The following AGAP1 variants were observed in gnomAD, a reference collection of about 807,000 sequenced individuals.
The protein encoded by AGAP1 is ArfGAP with GTPase domain, ankyrin repeat and PH domain 1, also known as arf-GAP with GTPase, ANK repeat and PH domain-containing protein 1.
Under a neutral mutation model 105.3 loss-of-function variants are expected in AGAP1, and 29 were observed. That is an observed-to-expected ratio of 0.28 (90% CI 0.21 to 0.38). The LOEUF (loss-of-function observed/expected upper bound fraction) is 0.38, where lower values mean the gene tolerates loss of function less well. Ranked by LOEUF, AGAP1 falls within the 10% of genes least tolerant of loss-of-function variation. The pLI is 1.00. For synonymous variants in AGAP1, 509 were observed against 485.9 expected, an observed-to-expected ratio of 1.05 and a Z score of -0.63; for missense variants, 998 against 1,165.1, an observed-to-expected ratio of 0.86 and a Z score of 2.09.
rs755263009 is a variant in AGAP1 at position 235,904,419 on chromosome 2, A to G, written c.1156-4319A>G. 7.2e-5 allele frequency among the ~76,000 whole-genome samples: 11 copies of G among 152,128 alleles called. No homozygotes were observed. Among genetic ancestry groups the G allele is most frequent in the Non-Finnish European group, 1.2e-4 (8 of 68,016 alleles). On this transcript the variant is annotated intron_variant, in intron 10 of 17. Coordinates refer to ENST00000304032, the MANE Select transcript of AGAP1 (RefSeq NM_001037131.3). This position sits in a 1 kb window ranked among gnomAD's most constrained non-coding sequence, Gnocchi z 4.2. ...TAGGTTTGCAATTACTACTTTTTCA[A>G]GCTGTTGAGGGGCAGGAGATGGCAC...
chr2:236,068,397 G>T (rs1430767411), intron 16 of AGAP1, among the ~76,000 whole-genome samples: 1 of 152,074 alleles, frequency 6.6e-6, no homozygotes, highest in Non-Finnish European at 1.5e-5. Flanking sequence ...CTCTCCTCTG[G>T]CACTGCTGGT....
In AGAP1 at chr2:235,721,572, C is replaced by G. The variant is rs918192051; in HGVS notation, c.310+3928C>G. ...CACTGTAGTAACGAACTGCCACACA[C>G]AGTGTGGCTTAAAACAGAAATGTAT... is the stretch of plus-strand genomic sequence containing the variant. On this transcript the variant is annotated intron_variant, in intron 3 of 17. Transcript: ENST00000304032. This position sits in a 1 kb window ranked among gnomAD's most constrained non-coding sequence, Gnocchi z 4.5. Among the ~76,000 whole-genome samples, 3 of 152,128 alleles carry G rather than the reference C, an allele frequency of 2.0e-5. No homozygotes were observed. The highest frequency in any genetic ancestry group is 4.4e-5 in the Non-Finnish European group (3 of 68,034).
At chr2:235,526,611 A>C (rs1016254055) in intron 1 of AGAP1, among the ~76,000 whole-genome samples, 4 of 152,248 alleles carry the variant, frequency 2.6e-5, no homozygotes, top group South Asian at 4.1e-4. Context: ...TATTTGGAGA[A>C]GTAAAAAAAC....
rs1221700503 is a variant in AGAP1 at position 235,989,952 on chromosome 2, G to T, written c.1645+21329G>T. On this transcript the variant is annotated intron_variant, in intron 13 of 17. Coordinates refer to ENST00000304032, the MANE Select transcript of AGAP1 (RefSeq NM_001037131.3). The surrounding 1 kb of genome is among the most constrained non-coding windows in gnomAD (Gnocchi z 4.4). ...TAGATCATTCAAATGCGTAGCCGGGGTTGGGAACCAGTGGTTTAGGTTAAG... is the reference window on the plus strand; with the variant it reads ...TAGATCATTCAAATGCGTAGCCGGGTTTGGGAACCAGTGGTTTAGGTTAAG... Among the ~76,000 whole-genome samples, 2 of 152,086 alleles carry T rather than the reference G, an allele frequency of 1.3e-5. No individual in the cohort carries two copies. The highest frequency in any genetic ancestry group is 4.8e-5 in the African/African-American group (2 of 41,410).
chr2:235,710,251 C>T (rs938613491), intron 2 of AGAP1, among the ~76,000 whole-genome samples: 5 of 152,222 alleles, frequency 3.3e-5, no homozygotes, highest in Admixed American at 6.5e-5. Context: ...AGGATCCTTC[C>T]GGTCCTTCAT....
chr2:235,785,082 C>G lies in AGAP1; in HGVS notation c.674-12677C>G, dbSNP rs150183615. Among the ~76,000 whole-genome samples the G allele has an allele frequency of 1.1e-3, 165 of 152,304 alleles. 1 individual carries two copies. Among genetic ancestry groups the G allele is most frequent in the South Asian group, 3.9e-3 (19 of 4,828 alleles). On this transcript the variant is annotated intron_variant, in intron 6 of 17. Transcript: ENST00000304032. ...CATTATTAACAGAGCAGGGAGGAGA[C>G]GAATAATTCTCTCAGGTTCCAACCA...
At chr2:236,049,672 T>C (rs181882479) in intron 16 of AGAP1, 3,220 of 153,680 alleles carry the variant, frequency 0.021, 60 homozygotes, top group Non-Finnish European at 0.034. Context: ...GCTCTGTCGA[T>C]CCCCCCCCCG....
Position 236,001,841 on chromosome 2 carries a change from C to T in AGAP1, c.1645+33218C>T, listed in dbSNP as rs1176752711. 6.6e-6 allele frequency among the ~76,000 whole-genome samples: 1 copy of T among 152,206 alleles called. No homozygotes were observed. Among genetic ancestry groups the T allele is most frequent in the Non-Finnish European group, 1.5e-5 (1 of 68,038 alleles). On this transcript the variant is annotated intron_variant, in intron 13 of 17. Transcript: ENST00000304032. The surrounding 1 kb of genome is among the most constrained non-coding windows in gnomAD (Gnocchi z 4.7). ...ATGCGTGGTCTCTAATAGGTTATGC[C>T]AGCCCCTCTCGTTGGGCATTGAAAT...
Position 236,083,330 on chromosome 2 carries a change from C to T in AGAP1, c.2114+34049C>T, listed in dbSNP as rs1177447283. Among the ~76,000 whole-genome samples, 1 of 152,152 alleles carries T rather than the reference C, an allele frequency of 6.6e-6. No individual in the cohort carries two copies. Among genetic ancestry groups the T allele is most frequent in the Non-Finnish European group, 1.5e-5 (1 of 68,020 alleles). ...CGGTTTGTTGCAAGGAAGCGTCGTC[C>T]TCCTCACGGGCTCTTTACGTTGACA... On this transcript the variant is annotated intron_variant, in intron 16 of 17. Transcript: ENST00000304032. This position sits in a 1 kb window ranked among gnomAD's most constrained non-coding sequence, Gnocchi z 5.3.
chr2:235,670,785 G>A, intron 1 of AGAP1: 2 of 1,267,946 alleles, frequency 1.6e-6, no homozygotes, highest in Non-Finnish European at 2.2e-6. Flanking sequence ...CTGGAGCGTT[G>A]GGAACGCAGT....
At chr2:235,856,345 G>T (rs1055172651) in intron 9 of AGAP1, among the ~76,000 whole-genome samples, 3 of 152,158 alleles carry the variant, frequency 2.0e-5, no homozygotes, top group African/African-American at 7.2e-5. Flanking sequence ...GATTCGCTTG[G>T]TGTCAGTAAG....
At chr2:235,671,032 G>C in intron 1 of AGAP1, 1 of 1,295,444 alleles carries the variant, frequency 7.7e-7, no homozygotes, top group Non-Finnish European at 9.8e-7. Context: ...CCAGCGCCGA[G>C]AGCATCGACG....
chr2:235,758,807 T>C (rs756678968), intron 6 of AGAP1, among the ~76,000 whole-genome samples: 24 of 152,130 alleles, frequency 1.6e-4, no homozygotes, highest in Non-Finnish European at 3.2e-4. Context: ...GTTTTTGTTT[T>C]GTTTTGAGAC....
rs1942558659 is a variant in AGAP1, at chr2:235,520,085, ATAT to A, written c.163+25241_163+25243del. Among the ~76,000 whole-genome samples the A allele has an allele frequency of 3.3e-5, 5 of 152,142 alleles. No homozygotes were observed. In the South Asian group the frequency reaches 1.0e-3, roughly 32 times the overall value. On this transcript the variant is annotated intron_variant, in intron 1 of 17. Transcript: ENST00000304032. Reference sequence around the variant, plus strand: ...GCATGAGCCACCAGGCCCGGCCTCAATATTATTTTGAAGTGAATTCCAGACACC... The same window carrying A: ...GCATGAGCCACCAGGCCCGGCCTCAATATTTTGAAGTGAATTCCAGACACC...
At chr2:235,730,916 C>T (rs2149608109) in intron 3 of AGAP1, among the ~76,000 whole-genome samples, 2 of 152,150 alleles carry the variant, frequency 1.3e-5, no homozygotes, top group East Asian at 3.9e-4. Flanking sequence ...GAAAAGCAGC[C>T]CCCAACCGTT....
At chr2:236,023,577 A>T (rs571850640) in intron 13 of AGAP1, among the ~76,000 whole-genome samples, 1 of 152,144 alleles carries the variant, frequency 6.6e-6, no homozygotes, top group Non-Finnish European at 1.5e-5. Context: ...TCTTTCACCA[A>T]GGTCAGGAGT....
chr2:236,058,946 C>T lies in AGAP1; in HGVS notation c.2114+9665C>T, dbSNP rs1207406454. ...TCAAGAGGCTCAGGCAGGAGGATTG[C>T]TTGAGCCCAGGATTTCAAGGCTGCA... On this transcript the variant is annotated intron_variant, in intron 16 of 17. Transcript: ENST00000304032. The surrounding 1 kb of genome is among the most constrained non-coding windows in gnomAD (Gnocchi z 4.6). 6.6e-6 allele frequency among the ~76,000 whole-genome samples: 1 copy of T among 152,162 alleles called. No individual in the cohort carries two copies. The highest frequency in any genetic ancestry group is 1.5e-5 in the Non-Finnish European group (1 of 68,022).
chr2:235,541,115 C>T (rs747302152), intron 1 of AGAP1, among the ~76,000 whole-genome samples: 42 of 152,128 alleles, frequency 2.8e-4, no homozygotes, highest in African/African-American at 8.9e-4. Flanking sequence ...AACAGTTAAA[C>T]GCAGTAGCTC....
chr2:235,673,483 T>C (rs1019532685), intron 1 of AGAP1, among the ~76,000 whole-genome samples: 2 of 152,192 alleles, frequency 1.3e-5, no homozygotes, highest in Non-Finnish European at 2.9e-5. Context: ...ACGCTGCTTG[T>C]GAGATCGGGT....
Sources: gnomAD v4.1 joint callset for allele counts (sites outside exome capture counted in the v4.1 genomes callset) on GRCh38, gnomAD v4.1.1 for gene constraint, Gnocchi (gnomAD v3.1) non-coding constraint, MANE v1.5 for transcripts, NCBI Gene and HGNC (gene_info 2026-07-23, HGNC 2026-07-21) for gene names.